The following SYTL3 variants were observed in gnomAD, a reference collection of about 807,000 sequenced individuals.
The protein encoded by SYTL3 is synaptotagmin like 3.
In SYTL3, 88 loss-of-function variants were observed where a neutral mutation model predicts 82.1. The ratio of observed to expected loss-of-function variants is 1.07; its 90% confidence interval spans 0.90 to 1.28. The LOEUF (loss-of-function observed/expected upper bound fraction) is 1.28. SYTL3 is among the 50% of genes most tolerant of loss of function. The pLI is 0.00. For synonymous variants in SYTL3, 311 were observed against 289.4 expected, an observed-to-expected ratio of 1.07 and a Z score of -0.76; for missense variants, 831 against 757.6, an observed-to-expected ratio of 1.10 and a Z score of -1.14.
At chr6:158,703,080 G>T (rs1781512345) in intron 6 of SYTL3, among the ~76,000 whole-genome samples, 1 of 151,236 alleles carries the variant, frequency 6.6e-6, no homozygotes, top group Non-Finnish European at 1.5e-5. Context: ...CTCGAACCTG[G>T]GAGGCGGAGG....
chr6:158,708,025 G>A (rs56374196), intron 7 of SYTL3, among the ~76,000 whole-genome samples: 26,516 of 152,090 alleles, frequency 0.17, 2,982 homozygotes, highest in Non-Finnish European at 0.25. Context: ...GGGTTTCCCC[G>A]CAGCCAGGTG....
chr6:158,718,651 G>A (rs1237068166), intron 10 of SYTL3, among the ~76,000 whole-genome samples: 2 of 152,238 alleles, frequency 1.3e-5, no homozygotes, highest in African/African-American at 4.8e-5. Context: ...CTGTGGGGGC[G>A]CTCTTCCCCC....
intron 11 of SYTL3, among the ~76,000 whole-genome samples, chr6:158,731,663 A>G (rs548974880): frequency 2.6e-5 from 4 of 152,184 alleles, no homozygotes; most frequent in South Asian, 2.1e-4. Context: ...GTGCAATCTC[A>G]GCTCACTGCA....
intron 13 of SYTL3, 54 bp downstream of exon 13, chr6:158,752,084 G>A (rs1054447520): frequency 1.9e-5 from 25 of 1,320,724 alleles, no homozygotes; most frequent in Non-Finnish European, 2.2e-5. Context: ...CGGGTGGAGC[G>A]CCTGGGGCAG....
At chr6:158,715,616 C>CACACACACACACACACACACACACAT (rs1491486346) in intron 9 of SYTL3, among the ~76,000 whole-genome samples, 3 of 142,840 alleles carry the variant, frequency 2.1e-5, no homozygotes, top group African/African-American at 7.9e-5. Context: ...CACACACACA[C>CACACACACACACACACACACACACAT]GCACGCACCC....
At chr6:158,725,468 G>C (rs370435851) in intron 10 of SYTL3, 35 bp from the exon 11 acceptor site, 1 of 1,609,082 alleles carries the variant, frequency 6.2e-7, no homozygotes, top group African/African-American at 1.3e-5. Flanking sequence ...CTGGGATGGA[G>C]ACTATAATAT....
Position 158,764,821 on chromosome 6 carries a change from CT to C in SYTL3, c.*220del, listed in dbSNP as rs765177848. The C allele has an allele frequency of 2.3e-6, 1 of 430,444 alleles. No homozygotes were observed. Among genetic ancestry groups the C allele is most frequent in the Non-Finnish European group, 4.1e-6 (1 of 241,226 alleles). 26.7% of individuals were successfully genotyped at this position (430,444 alleles called of 1,614,324 possible). On this transcript the variant is annotated 3_prime_UTR_variant, in exon 18 of 18. Coordinates refer to ENST00000611299, the MANE Select transcript of SYTL3 (RefSeq NM_001242394.2). ...CTAAGCCTCTGGTGGGTTATCTCCTCTTTGAGATGTAGAAAATGGCCAGATT... is the reference window on the plus strand; with the variant it reads ...CTAAGCCTCTGGTGGGTTATCTCCTCTTGAGATGTAGAAAATGGCCAGATT...
chr6:158,710,398 T>G (rs1782623133), intron 8 of SYTL3, among the ~76,000 whole-genome samples: 1 of 152,186 alleles, frequency 6.6e-6, no homozygotes, highest in African/African-American at 2.4e-5. Context: ...AAATTTTATC[T>G]TTTGCAAATA....
At chr6:158,758,149 C>G (rs952053217) in intron 14 of SYTL3, among the ~76,000 whole-genome samples, 2 of 152,120 alleles carry the variant, frequency 1.3e-5, no homozygotes, top group Non-Finnish European at 2.9e-5. Flanking sequence ...TTTAAAAACC[C>G]CAGTGGGGAG....
intron 5 of SYTL3, among the ~76,000 whole-genome samples, chr6:158,680,505 A>G (rs1388219988): frequency 6.6e-6 from 1 of 150,454 alleles, no homozygotes; most frequent in African/African-American, 2.5e-5. Context: ...TTGGGAGGCC[A>G]AGGCAGGTGG....
chr6:158,690,959 C>G (rs1414218041), intron 6 of SYTL3, among the ~76,000 whole-genome samples: 1 of 152,114 alleles, frequency 6.6e-6, no homozygotes, highest in Admixed American at 6.6e-5. Flanking sequence ...GTTCCTGGAC[C>G]CACGCTCCAG....
intron 13 of SYTL3, among the ~76,000 whole-genome samples, chr6:158,754,927 G>A (rs76337580): frequency 6.0e-4 from 91 of 152,324 alleles, no homozygotes; most frequent in African/African-American, 2.2e-3. Flanking sequence ...ATTTCTCAGA[G>A]GGCAGCAGAT....
chr6:158,701,561 C>T (rs1210894591), intron 6 of SYTL3, among the ~76,000 whole-genome samples: 5 of 107,448 alleles, frequency 4.7e-5, no homozygotes, highest in African/African-American at 1.4e-4. Flanking sequence ...GGGGAGGAGG[C>T]GTGGGGAGAG....
rs553132707 is a variant in SYTL3 at position 158,733,488 on chromosome 6, G to A, written c.855+7851G>A. 1.8e-4 allele frequency among the ~76,000 whole-genome samples: 28 copies of A among 151,956 alleles called. 1 individual carries two copies. In the South Asian group the frequency reaches 2.3e-3, roughly 12 times the overall value. On this transcript the variant is annotated intron_variant, in intron 11 of 17. Transcript: ENST00000611299. The stretch of plus-strand genomic sequence containing the variant: ...ACCACAGGTGCCCGCCACCACGCCC[G>A]GCTAATTTTTCTGTATTTTCAGTAG...
Position 158,662,654 on chromosome 6 carries a change from A to G in SYTL3, c.-519-96A>G, listed in dbSNP as rs1013897545. 8.5e-5 allele frequency: 13 copies of G among 152,348 alleles called. 1 individual carries two copies. The highest frequency in any genetic ancestry group is 3.1e-4 in the African/African-American group (13 of 41,576). 9.4% of individuals were successfully genotyped at this position (152,348 alleles called of 1,614,324 possible). A position where few individuals can be genotyped will look rare whatever the true frequency, so the allele number is the denominator to read the frequency against. On this transcript the variant is annotated intron_variant, in intron 3 of 17. Coordinates refer to ENST00000611299, the MANE Select transcript of SYTL3 (RefSeq NM_001242394.2). The stretch of plus-strand genomic sequence containing the variant: ...ATTATCACCGCGAGCAGAAAATGCA[A>G]GGGTTTGTGTAGAATATTTTGTCTT...
chr6:158,677,945 A>G (rs1249921232), intron 5 of SYTL3, among the ~76,000 whole-genome samples: 1 of 152,076 alleles, frequency 6.6e-6, no homozygotes, highest in African/African-American at 2.4e-5. Context: ...ACTGGAGTGC[A>G]GTGGTACAAT....
chr6:158,761,307 T>C (rs75562209), intron 15 of SYTL3, among the ~76,000 whole-genome samples: 12 of 113,426 alleles, frequency 1.1e-4, no homozygotes, highest in African/African-American at 3.7e-4. Context: ...ATTTCTTTTT[T>C]TTTTTTTTTT....
At chr6:158,741,519 A>G (rs1352902819) in intron 11 of SYTL3, among the ~76,000 whole-genome samples, 2 of 152,166 alleles carry the variant, frequency 1.3e-5, no homozygotes, top group Non-Finnish European at 2.9e-5. Context: ...CTCAGATGTA[A>G]TGGTTTCGCT....
At chr6:158,702,554 G>T (rs574456022) in intron 6 of SYTL3, among the ~76,000 whole-genome samples, 7 of 151,420 alleles carry the variant, frequency 4.6e-5, no homozygotes, top group South Asian at 2.1e-4. Flanking sequence ...AAACAAGAGG[G>T]GGGGAAAAGA....
Sources: allele counts gnomAD v4.1 joint callset (sites outside exome capture counted in the v4.1 genomes callset), GRCh38; gene constraint gnomAD v4.1.1; transcripts MANE v1.5; gene names NCBI Gene and HGNC (gene_info 2026-07-23, HGNC 2026-07-21).